The following AATK variants were observed in gnomAD, a reference collection of about 807,000 sequenced individuals.
AATK encodes serine/threonine-protein kinase LMTK1.
AATK carries 91 observed loss-of-function variants against 114.3 expected under a neutral mutation model. The observed-to-expected ratio is 0.80, with a 90% CI of 0.67 to 0.95. The LOEUF (loss-of-function observed/expected upper bound fraction) is 0.95, where lower values mean the gene tolerates loss of function less well. Among genes scored for constraint, AATK ranks in the 40% least tolerant of loss-of-function variants. The pLI is 0.00. For synonymous variants in AATK, 1,075 were observed against 916.5 expected, an observed-to-expected ratio of 1.17 and a Z score of -3.12; for missense variants, 2,176 against 1,965.2, an observed-to-expected ratio of 1.11 and a Z score of -2.03.
chr17:81,156,675 G>A (rs1017845960), intron 1 of AATK, among the ~76,000 whole-genome samples: 1 of 152,238 alleles, frequency 6.6e-6, no homozygotes, highest in African/African-American at 2.4e-5. Flanking sequence ...GGGATTACAG[G>A]TGTGAGCCAC....
intron 2 of AATK, chr17:81,133,073 T>C: frequency 8.9e-6 from 3 of 338,640 alleles, no homozygotes; most frequent in Non-Finnish European, 1.8e-5. Flanking sequence ...GCCTGGCCCC[T>C]GGTGCCAGCG....
At chr17:81,159,206 G>C (rs2061401801) in intron 1 of AATK, among the ~76,000 whole-genome samples, 1 of 152,208 alleles carries the variant, frequency 6.6e-6, no homozygotes. Flanking sequence ...CTTGGTATGT[G>C]AGTTACCTCT....
chr17:81,135,480 C>G (rs1468081811), intron 1 of AATK, among the ~76,000 whole-genome samples: 6 of 152,196 alleles, frequency 3.9e-5, no homozygotes, highest in Non-Finnish European at 7.3e-5. Flanking sequence ...CGGCCACCCC[C>G]AGTGCCTTTT....
intron 13 of AATK, 125 bp downstream of exon 13, chr17:81,119,255 A>AG: frequency 1.1e-6 from 1 of 938,988 alleles, no homozygotes; most frequent in South Asian, 2.0e-5. Context: ...CGGGGCCGGG[A>AG]AGGAGCGGAG....
In AATK at chr17:81,118,504, A is replaced by G. The variant is rs2060599861; in HGVS notation, c.4085-62T>C. On this transcript the variant is annotated intron_variant, in intron 13 of 13. Transcript: ENST00000326724. Reference sequence around the variant, plus strand: ...GAGACACCAGGGCTGCCTCCCCCGCAACTCCCACCTGGCCTCCATCCCTGG... The same window carrying G: ...GAGACACCAGGGCTGCCTCCCCCGCGACTCCCACCTGGCCTCCATCCCTGG... 7 of 1,552,362 alleles carry G rather than the reference A, an allele frequency of 4.5e-6. No individual in the cohort carries two copies. The South Asian group carries it at 4.7e-5, about 10-fold the overall frequency.
At position 81,121,455 on chromosome 17, in the gene AATK, G is replaced by A. The variant is rs756760585; in HGVS notation, c.2481C>T (p.Pro827=). 2.5e-6 allele frequency: 4 copies of A among 1,590,660 alleles called. No individual in the cohort carries two copies. The highest frequency in any genetic ancestry group is 2.7e-5 in the African/African-American group (2 of 74,604). Reference sequence around the variant, plus strand: ...ACACCTCGCCACCAGTAGCAGGCGTGGGAGAGTCAGGCAGGGCATCAGGGG... The same window carrying A: ...ACACCTCGCCACCAGTAGCAGGCGTAGGAGAGTCAGGCAGGGCATCAGGGG... The part of the protein sequence containing the change: ...PDAPDALPDS[P]TPATGGEVSA... The change falls in exon 11 of 14, where the codon CCC becomes CCT. Residue 827 remains proline (P), a synonymous_variant. Coordinates refer to ENST00000326724, the MANE Select transcript of AATK (RefSeq NM_001080395.3).
chr17:81,123,407 T>C, intron 9 of AATK, 64 bp from the exon 10 acceptor site: 2 of 1,294,770 alleles, frequency 1.5e-6, no homozygotes, highest in South Asian at 2.3e-5. Context: ...CCGCGCAGGA[T>C]CCCCGGGGCG....
Position 81,122,837 on chromosome 17 carries a change from C to T in AATK, c.1113-14G>A. 6.8e-7 allele frequency: 1 copy of T among 1,469,530 alleles called. No individual in the cohort carries two copies. The highest frequency in any genetic ancestry group is 9.1e-7 in the Non-Finnish European group (1 of 1,103,866). 91.0% of individuals were successfully genotyped at this position (1,469,530 alleles called of 1,614,324 possible). On this transcript the variant is annotated splice_polypyrimidine_tract_variant and intron_variant, in intron 10 of 13. Transcript: ENST00000326724. ...ATCACCTCGTACCTGCGAGGAGGTC[C>T]CCCGGGGGCCACGTCAGAGGCAACG...
intron 1 of AATK, among the ~76,000 whole-genome samples, chr17:81,142,481 A>C (rs1299880065): frequency 1.3e-5 from 2 of 152,110 alleles, no homozygotes; most frequent in Non-Finnish European, 2.9e-5. Context: ...TATGTTGTCC[A>C]GGCTGGTCTC....
In AATK at chr17:81,125,375, A is replaced by G. The variant is rs765444556; in HGVS notation, c.756-361T>C. ...CCTCTCCTCCTAGCTCTACTACACT[A>G]TCACTCTCGGCTCCCCAGGAGGTGG... On this transcript the variant is annotated intron_variant, in intron 7 of 13. Transcript: ENST00000326724. 72 of 593,108 alleles carry G rather than the reference A, an allele frequency of 1.2e-4. No individual in the cohort carries two copies. The Middle Eastern group carries it at 3.1e-3, about 26-fold the overall frequency. The allele number at this position is 593,108 out of a possible 1,614,324, so 36.7% of individuals were successfully genotyped here.
intron 1 of AATK, chr17:81,165,367 G>A (rs929536718): frequency 1.6e-5 from 4 of 257,926 alleles, no homozygotes; most frequent in Non-Finnish European, 3.2e-5. Flanking sequence ...GCGTCACCTC[G>A]GGCCCCCACT....
At position 81,128,323 on chromosome 17, in the gene AATK, G is replaced by T; in HGVS notation, c.414+147C>A. On this transcript the variant is annotated intron_variant, in intron 4 of 13. Coordinates refer to ENST00000326724, the MANE Select transcript of AATK (RefSeq NM_001080395.3). The stretch of plus-strand genomic sequence containing the variant: ...GAAGGGGATGCAGCCAGATGCTGAG[G>T]ACCTCCCTGGGGAAGGGTCCAGCAG... 2.0e-6 allele frequency: 2 copies of T among 1,019,588 alleles called. 1 individual carries two copies. The highest frequency in any genetic ancestry group is 3.0e-5 in the South Asian group (2 of 65,576). 63.2% of individuals were successfully genotyped at this position (1,019,588 alleles called of 1,614,324 possible).
intron 5 of AATK, 45 bp downstream of exon 5, chr17:81,127,747 G>A (rs1317104590): frequency 6.6e-7 from 1 of 1,509,918 alleles, no homozygotes; most frequent in Non-Finnish European, 9.0e-7. Flanking sequence ...GGAGGGAGAG[G>A]AGGGGGCCGC....
Position 81,134,487 on chromosome 17 carries a change from T to C in AATK, c.70A>G (p.Ser24Gly). ...AGGGAGGATGGCCAGGACAGCTCGC[T>C]GAGCGGGGCGCCGTCTGCGGGAGAG... is the stretch of plus-strand genomic sequence containing the variant. ...SHFDPDGAPL[S>G]ELSWPSSLAV... Residue 24 changes from serine (S) to glycine (G), a missense_variant, in exon 2 of 14, where the codon AGC becomes GGC. Physicochemically the swap from Ser to Gly is moderately conservative, Grantham distance 56. Coordinates refer to ENST00000326724, the MANE Select transcript of AATK (RefSeq NM_001080395.3). 1 of 1,612,506 alleles carries C rather than the reference T, an allele frequency of 6.2e-7. No individual in the cohort carries two copies. Among genetic ancestry groups the C allele is most frequent in the Non-Finnish European group, 8.5e-7 (1 of 1,179,582 alleles).
intron 1 of AATK, among the ~76,000 whole-genome samples, chr17:81,137,986 G>A (rs953492160): frequency 4.9e-5 from 7 of 142,826 alleles, no homozygotes; most frequent in East Asian, 2.2e-4. Context: ...ACCCACACGC[G>A]TGCACACACC....
At position 81,117,651 on chromosome 17, in the gene AATK, C is replaced by CA. The variant is rs1192830548; in HGVS notation, c.*750dup. The CA allele has an allele frequency of 8.5e-5, 13 of 152,294 alleles. No individual in the cohort carries two copies. Among genetic ancestry groups the CA allele is most frequent in the Admixed American group, 8.5e-4 (13 of 15,294 alleles). The allele number at this position is 152,294 out of a possible 1,614,324, so 9.4% of individuals were successfully genotyped here. ...CTGCCCCACAGAGGGGAGCTGCCTG[C>CA]ACGGTCCTGCCAAGGGCACCTCTAG... is the stretch of plus-strand genomic sequence containing the variant. On this transcript the variant is annotated 3_prime_UTR_variant, in exon 14 of 14. Coordinates refer to ENST00000326724, the MANE Select transcript of AATK (RefSeq NM_001080395.3).
At chr17:81,160,285 A>G in intron 1 of AATK, 1 of 984,766 alleles carries the variant, frequency 1.0e-6, no homozygotes, top group Non-Finnish European at 1.2e-6. Context: ...CTGTAACCCC[A>G]GAGTGACCCC....
chr17:81,159,817 C>T (rs980920411), intron 1 of AATK, among the ~76,000 whole-genome samples: 2 of 152,132 alleles, frequency 1.3e-5, no homozygotes, highest in Non-Finnish European at 2.9e-5. Flanking sequence ...TGGTCCCGGA[C>T]CAGCTCCCCT....
chr17:81,158,045 T>C (rs1250995788), intron 1 of AATK, among the ~76,000 whole-genome samples: 1 of 152,112 alleles, frequency 6.6e-6, no homozygotes, highest in Non-Finnish European at 1.5e-5. Context: ...GGCTCAGGCT[T>C]GCCAAGGAGG....
Sources: gnomAD v4.1 joint callset for allele counts (sites outside exome capture counted in the v4.1 genomes callset) on GRCh38, gnomAD v4.1.1 for gene constraint, MANE v1.5 for transcripts, NCBI Gene and HGNC (gene_info 2026-07-23, HGNC 2026-07-21) for gene names.